PARD3B: variants seen among roughly 807,000 people sequenced by gnomAD.
PARD3B encodes partitioning defective 3 homolog B.
PARD3B carries 103 observed loss-of-function variants against 130.2 expected under a neutral mutation model. The observed-to-expected ratio is 0.79, with a 90% CI of 0.67 to 0.93. The LOEUF is 0.93. Among genes scored for constraint, PARD3B ranks in the 40% least tolerant of loss-of-function variants. PARD3B has a pLI of 0.00. For missense variants in PARD3B, 1,609 were observed against 1,499.2 expected (o/e 1.07, Z -1.21); for synonymous variants, 583 against 553.2 (o/e 1.05, Z -0.76).
chr2:205,412,030 G>A (rs1481754010), intron 19 of PARD3B, among the ~76,000 whole-genome samples: 1 of 152,146 alleles, frequency 6.6e-6, no homozygotes, highest in Non-Finnish European at 1.5e-5. Flanking sequence ...ATTACATTAA[G>A]GGGGTGGCAA....
chr2:205,139,913 GA>G (rs1298629738), intron 10 of PARD3B, among the ~76,000 whole-genome samples: 1 of 152,242 alleles, frequency 6.6e-6, no homozygotes, highest in Non-Finnish European at 1.5e-5. Context: ...TTTGCTGTCA[GA>G]TAGCAGTTCA....
chr2:205,559,791 G>T (rs1358921623), intron 22 of PARD3B, among the ~76,000 whole-genome samples: 12 of 151,954 alleles, frequency 7.9e-5, no homozygotes, highest in Non-Finnish European at 1.6e-4. Flanking sequence ...TAGAGACGAG[G>T]TTTCACCATG....
rs2044048074 is a variant in PARD3B, at chr2:205,352,961, C to A, written c.2631-48052C>A. Among the ~76,000 whole-genome samples, 1 of 152,152 alleles carries A rather than the reference C, an allele frequency of 6.6e-6. No homozygotes were observed. The highest frequency in any genetic ancestry group is 2.4e-5 in the African/African-American group (1 of 41,444). On this transcript the variant is annotated intron_variant, in intron 18 of 22. Coordinates refer to ENST00000406610, the MANE Select transcript of PARD3B (RefSeq NM_001302769.2). This position sits in a 1 kb window ranked among gnomAD's most constrained non-coding sequence, Gnocchi z 5.2. Reference sequence around the variant, plus strand: ...TCTTTCTGTTTTTCAGAAGTCTCCCCCAAAATGTTTTGAGACAAAAATCAG... The same window carrying A: ...TCTTTCTGTTTTTCAGAAGTCTCCCACAAAATGTTTTGAGACAAAAATCAG...
intron 15 of PARD3B, among the ~76,000 whole-genome samples, chr2:205,195,041 C>T (rs1166075768): frequency 2.7e-5 from 4 of 150,398 alleles, no homozygotes; most frequent in Non-Finnish European, 4.4e-5. Context: ...TCAAGTGATC[C>T]ACCCACCTTG....
At chr2:204,595,993 CT>C (rs2033272618) in intron 1 of PARD3B, among the ~76,000 whole-genome samples, 1 of 152,190 alleles carries the variant, frequency 6.6e-6, no homozygotes, top group African/African-American at 2.4e-5. Context: ...AACATGTGCT[CT>C]GCTATCATGC....
intron 21 of PARD3B, among the ~76,000 whole-genome samples, chr2:205,514,682 C>CTTAA (rs1436569360): frequency 4.6e-5 from 7 of 151,898 alleles, no homozygotes; most frequent in African/African-American, 1.7e-4. Flanking sequence ...TTATGAAACT[C>CTTAA]TTAAATAAAC....
chr2:205,482,434 C>T (rs962850928), intron 20 of PARD3B, among the ~76,000 whole-genome samples: 16 of 151,514 alleles, frequency 1.1e-4, no homozygotes, highest in African/African-American at 1.5e-4. Context: ...CAAAAGGAGA[C>T]GGCAGAGGAT....
At chr2:205,496,586 A>G (rs2049934299) in intron 20 of PARD3B, among the ~76,000 whole-genome samples, 1 of 152,182 alleles carries the variant, frequency 6.6e-6, no homozygotes, top group Admixed American at 6.6e-5. Flanking sequence ...CTGGGTAAAT[A>G]GCCATGCTCC....
In PARD3B at chr2:205,176,356, C is replaced by A; in HGVS notation, c.1792-89C>A. ...TGTAATAGACTCTTGAAAGACTATT[C>A]ATACAGCGATCATTCTTTCACTTTG... is the stretch of plus-strand genomic sequence containing the variant. On this transcript the variant is annotated intron_variant, in intron 12 of 22. Transcript: ENST00000406610. This position sits in a 1 kb window ranked among gnomAD's most constrained non-coding sequence, Gnocchi z 5.3. 7.7e-7 allele frequency: 1 copy of A among 1,294,810 alleles called. No individual in the cohort carries two copies. The highest frequency in any genetic ancestry group is 1.1e-6 in the Non-Finnish European group (1 of 948,922). The allele number at this position is 1,294,810 out of a possible 1,614,324, so 80.2% of individuals were successfully genotyped here. A position where few individuals can be genotyped will look rare whatever the true frequency, so the allele number is the denominator to read the frequency against.
chr2:205,203,273 C>A (rs2037090119), intron 15 of PARD3B, among the ~76,000 whole-genome samples: 1 of 151,948 alleles, frequency 6.6e-6, no homozygotes, highest in African/African-American at 2.4e-5. Context: ...CTGCCCTATT[C>A]TTTAAAATTT....
intron 2 of PARD3B, among the ~76,000 whole-genome samples, chr2:204,742,474 C>T (rs370138978): frequency 6.6e-6 from 1 of 152,062 alleles, no homozygotes; most frequent in Non-Finnish European, 1.5e-5. Flanking sequence ...GGGGGCAGGA[C>T]CTTGGCCTGT....
chr2:204,941,202 C>T (rs557930564), intron 2 of PARD3B, among the ~76,000 whole-genome samples: 4 of 152,220 alleles, frequency 2.6e-5, no homozygotes, highest in Admixed American at 1.3e-4. Flanking sequence ...GGCCAAACTC[C>T]GTCTCTACTA....
chr2:205,178,223 G>GC (rs139926040), intron 13 of PARD3B, among the ~76,000 whole-genome samples: 5 of 144,220 alleles, frequency 3.5e-5, no homozygotes, highest in African/African-American at 8.3e-5. Context: ...AGCTACTATG[G>GC]GGGGGGAAAA....
In PARD3B at chr2:204,907,779, GCAACC is replaced by G. The variant is rs1157817461; in HGVS notation, c.223-57372_223-57368del. ...TACAGTGTTGCAATCTTGGCTCACT[GCAACC>G]TCCGCCTCCCAGGGTCAAGCAATTC... On this transcript the variant is annotated intron_variant, in intron 2 of 22. Transcript: ENST00000406610. This position sits in a 1 kb window ranked among gnomAD's most constrained non-coding sequence, Gnocchi z 5.7. Among the ~76,000 whole-genome samples the G allele has an allele frequency of 2.4e-3, 358 of 152,178 alleles. 2 individuals carry two copies. The highest frequency in any genetic ancestry group is 8.2e-3 in the African/African-American group (339 of 41,522).
At chr2:205,177,191 ATTGTT>A (rs1392231268) in intron 13 of PARD3B, among the ~76,000 whole-genome samples, 2 of 152,162 alleles carry the variant, frequency 1.3e-5, no homozygotes, top group Admixed American at 1.3e-4. Context: ...CACCAAGAAA[ATTGTT>A]TTATCTCCCT....
intron 22 of PARD3B, among the ~76,000 whole-genome samples, chr2:205,599,782 C>T (rs942906869): frequency 6.6e-6 from 1 of 152,304 alleles, no homozygotes; most frequent in East Asian, 1.9e-4. Context: ...ATCGTTGGTT[C>T]TGGGTGTTGT....
intron 15 of PARD3B, among the ~76,000 whole-genome samples, chr2:205,215,521 A>G (rs960742474): frequency 2.6e-5 from 4 of 152,156 alleles, no homozygotes; most frequent in Non-Finnish European, 4.4e-5. Context: ...TTGGAAAAGT[A>G]TATGACAATT....
At chr2:205,453,982 T>TCCTCCCTTTCTCCCTC (rs1285894606) in intron 20 of PARD3B, among the ~76,000 whole-genome samples, 2 of 152,090 alleles carry the variant, frequency 1.3e-5, no homozygotes, top group African/African-American at 4.8e-5. Context: ...ATTTCTCCCT[T>TCCTCCCTTTCTCCCTC]CCTCCCTTTC....
At chr2:204,986,923 T>A (rs1693206144) in intron 3 of PARD3B, among the ~76,000 whole-genome samples, 1 of 152,224 alleles carries the variant, frequency 6.6e-6, no homozygotes, top group African/African-American at 2.4e-5. Flanking sequence ...AAAGCTGTCT[T>A]TCTTTTTGAG....
Sources: gnomAD v4.1 joint callset for allele counts (sites outside exome capture counted in the v4.1 genomes callset) on GRCh38, gnomAD v4.1.1 for gene constraint, Gnocchi (gnomAD v3.1) non-coding constraint, MANE v1.5 for transcripts, NCBI Gene and HGNC (gene_info 2026-07-23, HGNC 2026-07-21) for gene names.